ECEL1: variants seen among roughly 807,000 people sequenced by gnomAD.
The protein encoded by ECEL1 is endothelin-converting enzyme-like 1.
ECEL1 carries 87 observed loss-of-function variants against 101.8 expected under a neutral mutation model. The observed-to-expected ratio is 0.85, with a 90% CI of 0.72 to 1.02. The LOEUF is 1.02. Ranked by LOEUF, ECEL1 falls within the 50% of genes least tolerant of loss-of-function variation. The pLI is 0.00. For missense variants in ECEL1, 1,032 were observed against 1,079.2 expected, an observed-to-expected ratio of 0.96 and a Z score of 0.61; for synonymous variants, 487 against 468.7, an observed-to-expected ratio of 1.04 and a Z score of -0.50.
Position 232,486,747 on chromosome 2 carries a change from G to T in ECEL1, c.-94C>A. On this transcript the variant is annotated 5_prime_UTR_variant, in exon 2 of 18. Coordinates refer to ENST00000304546, the MANE Select transcript of ECEL1 (RefSeq NM_004826.4). The stretch of plus-strand genomic sequence containing the variant: ...CTCGTGGGCCTCCGCATGGCCCTGG[G>T]GCCGCAGCTGCGGGAAGGGCGGAAG... 1 of 1,252,948 alleles carries T rather than the reference G, an allele frequency of 8.0e-7. No homozygotes were observed. The highest frequency in any genetic ancestry group is 1.0e-6 in the Non-Finnish European group (1 of 985,910). The allele number at this position is 1,252,948 out of a possible 1,614,324, so 77.6% of individuals were successfully genotyped here.
At chr2:232,485,749 G>T in intron 2 of ECEL1, 119 bp downstream of exon 2, 1 of 1,317,778 alleles carries the variant, frequency 7.6e-7, no homozygotes, top group Non-Finnish European at 1.0e-6. Flanking sequence ...CCCCTCTCCT[G>T]CTCGTCTCTT....
At position 232,485,358 on chromosome 2, in the gene ECEL1, C is replaced by T. The variant is rs144677465; in HGVS notation, c.787-91G>A. The T allele has an allele frequency of 1.1e-3, 1,575 of 1,428,946 alleles. 11 individuals are homozygous for T. In the African/African-American group the frequency reaches 0.02, roughly 18 times the overall value. The allele number at this position is 1,428,946 out of a possible 1,614,324, so 88.5% of individuals were successfully genotyped here. A position where few individuals can be genotyped will look rare whatever the true frequency, so the allele number is the denominator to read the frequency against. ...TCCCACTCCAATGCCCAGAGAGCAACCAGACATCCATGAGTACAGCCACAG... is the reference window on the plus strand; with the variant it reads ...TCCCACTCCAATGCCCAGAGAGCAATCAGACATCCATGAGTACAGCCACAG... On this transcript the variant is annotated intron_variant, in intron 2 of 17. Transcript: ENST00000304546.
rs763314662 is a variant in ECEL1 at position 232,484,537 on chromosome 2, C to T, written c.1119G>A (p.Glu373=). ...TGTAGTCTGTCGCCAGCAGCACCAC[C>T]TCCTCTTCCTCTGAGAAGTCCTCCT... ...IFQEDFSEEE[E]VVLLATDYMQ... is the part of the protein sequence containing the mutation. The change falls in exon 6 of 18, where the codon GAG becomes GAA. Residue 373 remains glutamate (E), a synonymous_variant. Transcript: ENST00000304546. 7 of 1,613,976 alleles carry T rather than the reference C, an allele frequency of 4.3e-6. No homozygotes were observed. Among genetic ancestry groups the T allele is most frequent in the South Asian group, 1.1e-5 (1 of 91,088 alleles).
At position 232,480,807 on chromosome 2, in the gene ECEL1, G is replaced by C; in HGVS notation, c.2062C>G (p.Gln688Glu). 1 of 1,612,930 alleles carries C rather than the reference G, an allele frequency of 6.2e-7. No individual in the cohort carries two copies. Reference protein sequence around the residue: ...GGLKLAYHAYQKWVREHGPEH... With the variant: ...GGLKLAYHAYEKWVREHGPEH... Reference sequence around the variant, plus strand: ...GGGCCGTGCTCCCGCACCCACTTCTGATAGGCCTGGGGACACAGAGAGCAT... The same window carrying C: ...GGGCCGTGCTCCCGCACCCACTTCTCATAGGCCTGGGGACACAGAGAGCAT... The change falls in exon 16 of 18, where the codon CAG (glutamine) becomes GAG (glutamate). Residue 688 changes from glutamine to glutamate, a missense_variant. Coordinates refer to ENST00000304546, the MANE Select transcript of ECEL1 (RefSeq NM_004826.4).
At chr2:232,485,440 C>CCTGACT (rs1690695309) in intron 2 of ECEL1, among the ~76,000 whole-genome samples, 173 bp from the exon 3 acceptor site, 1 of 152,248 alleles carries the variant, frequency 6.6e-6, no homozygotes, top group African/African-American at 2.4e-5. Flanking sequence ...AAGCCCCATC[C>CCTGACT]CTGACTGTCC....
rs79325947 is a variant in ECEL1, at chr2:232,485,577, C to T, written c.786+291G>A. 0.081 allele frequency among the ~76,000 whole-genome samples: 12,370 copies of T among 152,298 alleles called. 623 individuals carry two copies. The highest frequency in any genetic ancestry group is 0.13 in the African/African-American group (5,537 of 41,558). ...GGGCCAGCTCCAGACCTCGCGGAGACGTCAACCCAGCCCGCCGGCGCGCCT... is the reference window on the plus strand; with the variant it reads ...GGGCCAGCTCCAGACCTCGCGGAGATGTCAACCCAGCCCGCCGGCGCGCCT... On this transcript the variant is annotated intron_variant, in intron 2 of 17. Coordinates refer to ENST00000304546, the MANE Select transcript of ECEL1 (RefSeq NM_004826.4).
intron 7 of ECEL1, 57 bp downstream of exon 7, chr2:232,483,944 G>A (rs564126333): frequency 6.6e-7 from 1 of 1,523,770 alleles, no homozygotes; most frequent in East Asian, 2.3e-5. Flanking sequence ...CATGGCCTCG[G>A]GAGGGCTCCA....
intron 8 of ECEL1, 48 bp downstream of exon 8, chr2:232,483,368 G>A: frequency 1.3e-6 from 2 of 1,574,654 alleles, no homozygotes; most frequent in Non-Finnish European, 8.6e-7. Context: ...TACACAGTAG[G>A]TGCTCAATAT....
At chr2:232,480,551 A>G in intron 16 of ECEL1, 76 bp from the exon 17 acceptor site, 1 of 1,581,434 alleles carries the variant, frequency 6.3e-7, no homozygotes, top group Non-Finnish European at 8.6e-7. Flanking sequence ...CCCACCCAGC[A>G]CACAAGGCGG....
chr2:232,479,945 A>G lies in ECEL1; in HGVS notation c.*208T>C. On this transcript the variant is annotated 3_prime_UTR_variant, in exon 18 of 18. Transcript: ENST00000304546. ...TAGAGCAGAATCTGGGGACCCCAGT[A>G]TATTTCCCTCACAGCCCCCCAAAGT... is the stretch of plus-strand genomic sequence containing the variant. 1.7e-6 allele frequency: 1 copy of G among 596,440 alleles called. No homozygotes were observed. The highest frequency in any genetic ancestry group is 2.0e-5 in the South Asian group (1 of 50,166). 36.9% of individuals were successfully genotyped at this position (596,440 alleles called of 1,614,324 possible). A position where few individuals can be genotyped will look rare whatever the true frequency, so the allele number is the denominator to read the frequency against.
chr2:232,482,934 G>A lies in ECEL1; in HGVS notation c.1602C>T (p.Thr534=), dbSNP rs770211718. 4.3e-6 allele frequency: 7 copies of A among 1,614,040 alleles called. No homozygotes were observed. The highest frequency in any genetic ancestry group is 5.9e-6 in the Non-Finnish European group (7 of 1,180,054). ...KEYEFEVHEK[T]YFKNILNSIR... ...TGCTGTTCAAGATGTTCTTGAAGTA[G>A]GTCTTCTCATGGACCTCAAACTGCA... Residue 534 remains threonine (T), a synonymous_variant, in exon 10 of 18, where the codon ACC becomes ACT. Transcript: ENST00000304546.
chr2:232,481,877 C>T, intron 12 of ECEL1, 28 bp from the exon 13 acceptor site: 1 of 1,613,184 alleles, frequency 6.2e-7, no homozygotes, highest in Non-Finnish European at 8.5e-7. Context: ...GCATCAGGCC[C>T]TAGCCCTCCA....
intron 15 of ECEL1, 64 bp from the exon 16 acceptor site, chr2:232,480,877 C>T: frequency 1.3e-6 from 2 of 1,502,098 alleles, no homozygotes; most frequent in Non-Finnish European, 1.8e-6. Flanking sequence ...TCTTCTCTGT[C>T]CTCCATCTAG....
intron 14 of ECEL1, 64 bp downstream of exon 14, chr2:232,481,442 C>T (rs981783065): frequency 1.3e-5 from 20 of 1,552,662 alleles, no homozygotes; most frequent in Middle Eastern, 1.7e-4. Context: ...CAAGGGTGTG[C>T]GTGATGCTCC....
In ECEL1 at chr2:232,483,606, T is replaced by G. The variant is rs1419937294; in HGVS notation, c.1408-92A>C. On this transcript the variant is annotated intron_variant, in intron 7 of 17. Coordinates refer to ENST00000304546, the MANE Select transcript of ECEL1 (RefSeq NM_004826.4). ...GGGTACCCCTGCCTTTAAGCACCAC[T>G]TTCTAAGCCCAAACCTCATTTCTGA... 3.8e-6 allele frequency: 4 copies of G among 1,055,540 alleles called. No individual in the cohort carries two copies. In the African/African-American group the frequency reaches 6.4e-5, roughly 17 times the overall value. The allele number at this position is 1,055,540 out of a possible 1,614,324, so 65.4% of individuals were successfully genotyped here.
At chr2:232,487,229 T>G (rs1690752837) in intron 1 of ECEL1, among the ~76,000 whole-genome samples, 1 of 151,952 alleles carries the variant, frequency 6.6e-6, no homozygotes, top group African/African-American at 2.4e-5. Context: ...GAACCAAACT[T>G]TGTCCTCGCG....
intron 5 of ECEL1, 102 bp from the exon 6 acceptor site, chr2:232,484,698 G>A (rs1204292853): frequency 3.7e-6 from 6 of 1,601,284 alleles, no homozygotes; most frequent in Non-Finnish European, 5.1e-6. Context: ...AGAGTCCATG[G>A]CCAAGGAACG....
In ECEL1 at chr2:232,481,359, G is replaced by T; in HGVS notation, c.1989+147C>A. 5 of 1,412,314 alleles carry T rather than the reference G, an allele frequency of 3.5e-6. No individual in the cohort carries two copies. The South Asian group carries it at 6.9e-5, about 20-fold the overall frequency. The allele number at this position is 1,412,314 out of a possible 1,614,324, so 87.5% of individuals were successfully genotyped here. ...CTGCGGACACTCATTATCTGTCCAC[G>T]TGAGTGTGCGTGGGAACCGAATGTG... is the stretch of plus-strand genomic sequence containing the variant. On this transcript the variant is annotated intron_variant, in intron 14 of 17. Coordinates refer to ENST00000304546, the MANE Select transcript of ECEL1 (RefSeq NM_004826.4).
At position 232,486,145 on chromosome 2, in the gene ECEL1, C is replaced by A. The variant is rs748079548; in HGVS notation, c.509G>T (p.Gly170Val). The part of the protein sequence containing the change: ...RLRRLLARPG[G>V]GPGGAAQRKV... Reference sequence around the variant, plus strand: ...GCGCTGGGCCGCGCCGCCAGGCCCACCCCCGGGCCGCGCCAGCAGGCGCCG... The same window carrying A: ...GCGCTGGGCCGCGCCGCCAGGCCCAACCCCGGGCCGCGCCAGCAGGCGCCG... Residue 170 changes from glycine (G) to valine (V), a missense_variant, in exon 2 of 18, where the codon GGT becomes GTT. Coordinates refer to ENST00000304546, the MANE Select transcript of ECEL1 (RefSeq NM_004826.4). The A allele has an allele frequency of 5.8e-6, 9 of 1,564,868 alleles. No individual in the cohort carries two copies. The highest frequency in any genetic ancestry group is 1.4e-5 in the African/African-American group (1 of 73,148).
Sources: allele counts gnomAD v4.1 joint callset (sites outside exome capture counted in the v4.1 genomes callset), GRCh38; gene constraint gnomAD v4.1.1; transcripts MANE v1.5; gene names NCBI Gene and HGNC (gene_info 2026-07-23, HGNC 2026-07-21).